Variants in MEGF6 observed in about 807,000 individuals in gnomAD.
The protein encoded by MEGF6 is multiple epidermal growth factor-like domains protein 6.
A neutral mutation model predicts 207.1 loss-of-function variants in MEGF6; 184 were observed. The observed-to-expected ratio is 0.89, with a 90% CI of 0.79 to 1.00. MEGF6 has a LOEUF of 1.00. MEGF6 is among the 50% of genes least tolerant of loss of function. MEGF6 has a pLI of 0.00. For missense variants in MEGF6, 2,282 were observed against 2,202.9 expected, an observed-to-expected ratio of 1.04 and a Z score of -0.72; for synonymous variants, 1,038 against 910.0, an observed-to-expected ratio of 1.14 and a Z score of -2.53.
chr1:3,530,641 C>T (rs552772755), intron 4 of MEGF6, among the ~76,000 whole-genome samples: 2 of 152,278 alleles, frequency 1.3e-5, no homozygotes, highest in South Asian at 2.1e-4. Context: ...CCAGGAAGAA[C>T]GGCACCTGCC....
Position 3,501,028 on chromosome 1 carries a change from C to T in MEGF6, c.2513G>A (p.Cys838Tyr), listed in dbSNP as rs1213122442. 6.2e-7 allele frequency: 1 copy of T among 1,612,698 alleles called. No homozygotes were observed. Among genetic ancestry groups the T allele is most frequent in the Non-Finnish European group, 8.5e-7 (1 of 1,179,968 alleles). ...GCTGCAGTGTCCGGTGGCTGGGTGG[C>T]AGTGCCCATCATTGGCACAAGAGCA... ...TRCSCANDGH[C>Y]HPATGHCSCA... The change falls in exon 20 of 37, where the codon TGC becomes TAC. Residue 838 changes from cysteine to tyrosine, a missense_variant. By Grantham distance (194) the Cys-to-Tyr change is radical. Coordinates refer to ENST00000356575, the MANE Select transcript of MEGF6 (RefSeq NM_001409.4).
At chr1:3,598,253 T>C (rs1243658851) in intron 2 of MEGF6, among the ~76,000 whole-genome samples, 1 of 152,148 alleles carries the variant, frequency 6.6e-6, no homozygotes, top group Non-Finnish European at 1.5e-5. Context: ...GGCTGCTGCA[T>C]GGGAAGCCGG....
chr1:3,587,171 A>C (rs146745386), intron 3 of MEGF6, among the ~76,000 whole-genome samples: 4 of 152,334 alleles, frequency 2.6e-5, no homozygotes, highest in African/African-American at 9.6e-5. Flanking sequence ...AAAAATAAAG[A>C]TTGCATGCAA....
At chr1:3,553,919 G>A (rs989920124) in intron 4 of MEGF6, among the ~76,000 whole-genome samples, 1 of 152,216 alleles carries the variant, frequency 6.6e-6, no homozygotes, top group African/African-American at 2.4e-5. Context: ...GCCGACGTGG[G>A]TGGGTGGCAC....
At position 3,509,099 on chromosome 1, in the gene MEGF6, C is replaced by G; in HGVS notation, c.1504G>C (p.Glu502Gln). The change falls in exon 12 of 37, where the codon GAA becomes CAA. Residue 502 changes from glutamate (E) to glutamine (Q), a missense_variant. Glu to Gln is a conservative substitution (Grantham distance 29). Transcript: ENST00000356575. ...ADEEEAELRG[E>Q]HTLTEKFVCL... ...CCAAACTTCTCTGTGAGCGTGTGTT[C>G]GCCCCGCAACTCTGCCTCTTCCTCA... is the stretch of plus-strand genomic sequence containing the variant. 1 of 1,597,982 alleles carries G rather than the reference C, an allele frequency of 6.3e-7. No individual in the cohort carries two copies. Among genetic ancestry groups the G allele is most frequent in the Non-Finnish European group, 8.5e-7 (1 of 1,173,474 alleles).
intron 3 of MEGF6, among the ~76,000 whole-genome samples, chr1:3,589,465 C>T (rs751458532): frequency 2.0e-5 from 3 of 152,104 alleles, no homozygotes; most frequent in Non-Finnish European, 4.4e-5. Flanking sequence ...TTCCCAGGGA[C>T]GTGCAAGGCC....
Position 3,494,668 on chromosome 1 carries a change from G to A in MEGF6, c.3945C>T (p.Ala1315=), listed in dbSNP as rs1488732732. The A allele has an allele frequency of 2.5e-6, 4 of 1,568,844 alleles. No homozygotes were observed. The highest frequency in any genetic ancestry group is 1.9e-5 in the Admixed American group (1 of 53,908). Residue 1315 remains alanine (A), a synonymous_variant, in exon 31 of 37, where the codon GCC becomes GCT. Coordinates refer to ENST00000356575, the MANE Select transcript of MEGF6 (RefSeq NM_001409.4). ...CSCRNGGLCH[A]SNGSCSCGLG... ...GGCCACAGGAGCAGCTGCCGTTGCT[G>A]GCGTGGCACAGGCCCCCATTTCTGC...
chr1:3,620,674 T>A, the MEGF6 span, among the ~76,000 whole-genome samples: 1 of 152,270 alleles, frequency 6.6e-6, no homozygotes, highest in Non-Finnish European at 1.5e-5. Context: ...ACAGGGTCAG[T>A]GGGTCTTTCT....
chr1:3,532,353 C>T (rs556708014), intron 4 of MEGF6, among the ~76,000 whole-genome samples: 2 of 152,340 alleles, frequency 1.3e-5, no homozygotes, highest in East Asian at 3.9e-4. Context: ...TATCCTTGGT[C>T]GGGGGTCACT....
chr1:3,494,654 C>T lies in MEGF6; in HGVS notation c.3959G>A (p.Cys1320Tyr). The change falls in exon 31 of 37, where the codon TGC becomes TAC. Residue 1320 changes from cysteine (C) to tyrosine (Y), a missense_variant. Coordinates refer to ENST00000356575, the MANE Select transcript of MEGF6 (RefSeq NM_001409.4). ...GGLCHASNGSCSCGLGWTGRH... is the reference protein window; with the variant it reads ...GGLCHASNGSYSCGLGWTGRH... ...CCCCGTCCAGCCCAGGCCACAGGAG[C>T]AGCTGCCGTTGCTGGCGTGGCACAG... 1.9e-6 allele frequency: 3 copies of T among 1,565,520 alleles called. No homozygotes were observed. The highest frequency in any genetic ancestry group is 2.6e-6 in the Non-Finnish European group (3 of 1,156,590).
At chr1:3,550,760 G>A (rs1642858686) in intron 4 of MEGF6, among the ~76,000 whole-genome samples, 1 of 152,254 alleles carries the variant, frequency 6.6e-6, no homozygotes, top group African/African-American at 2.4e-5. Flanking sequence ...CCCAGCCCTT[G>A]CAGCCGATCC....
intron 4 of MEGF6, chr1:3,531,318 G>A (rs891816235): frequency 8.1e-7 from 1 of 1,235,852 alleles, no homozygotes; most frequent in Non-Finnish European, 1.0e-6. Flanking sequence ...GCCGGGCGAC[G>A]GGGCAGGCGG....
chr1:3,615,271 C>A (rs975360267), upstream of MEGF6, among the ~76,000 whole-genome samples: 1 of 152,180 alleles, frequency 6.6e-6, no homozygotes, highest in Non-Finnish European at 1.5e-5. Context: ...TTTCTGACCC[C>A]CCAAGGAGGC....
chr1:3,534,290 GATC>G (rs1447613775), intron 4 of MEGF6, among the ~76,000 whole-genome samples: 2 of 152,214 alleles, frequency 1.3e-5, no homozygotes, highest in African/African-American at 4.8e-5. Context: ...TGCTGAAAAG[GATC>G]ATATTTGCAC....
chr1:3,591,409 C>T (rs1643975736), intron 3 of MEGF6, among the ~76,000 whole-genome samples: 1 of 152,322 alleles, frequency 6.6e-6, no homozygotes, highest in Non-Finnish European at 1.5e-5. Context: ...GTCACTGTCA[C>T]TGCTACTAAC....
intron 4 of MEGF6, among the ~76,000 whole-genome samples, chr1:3,576,151 C>T (rs997194600): frequency 1.3e-5 from 2 of 152,268 alleles, no homozygotes; most frequent in South Asian, 4.1e-4. Flanking sequence ...GCCGGGGAAG[C>T]CTTCACTGCA....
chr1:3,501,796 C>G lies in MEGF6; in HGVS notation c.2314G>C (p.Asp772His). 6.2e-7 allele frequency: 1 copy of G among 1,610,290 alleles called. No individual in the cohort carries two copies. Among genetic ancestry groups the G allele is most frequent in the African/African-American group, 1.3e-5 (1 of 74,912 alleles). Residue 772 changes from aspartate to histidine, a missense_variant and splice_region_variant, in exon 18 of 37, where the codon GAT (aspartate) becomes CAT (histidine). Physicochemically the swap from Asp to His is moderately conservative, Grantham distance 81 (BLOSUM62 -1). Coordinates refer to ENST00000356575, the MANE Select transcript of MEGF6 (RefSeq NM_001409.4). ...PGRTGEDCEA[D>H]CPEGRWGLGC... ...AACTGGGGCTGCGGCTGACACTCACCTGCCTCACAGTCTTCCCCAGTCCTC... is the reference window on the plus strand; with the variant it reads ...AACTGGGGCTGCGGCTGACACTCACGTGCCTCACAGTCTTCCCCAGTCCTC...
chr1:3,532,061 G>A (rs1642194585), intron 4 of MEGF6, among the ~76,000 whole-genome samples: 1 of 152,250 alleles, frequency 6.6e-6, no homozygotes. Flanking sequence ...AGCAGGTGGT[G>A]ACGGACAGAG....
In MEGF6 at chr1:3,501,791, C is replaced by T; in HGVS notation, c.2314+5G>A. 6.2e-7 allele frequency: 1 copy of T among 1,610,080 alleles called. No homozygotes were observed. Among genetic ancestry groups the T allele is most frequent in the Non-Finnish European group, 8.5e-7 (1 of 1,178,708 alleles). ...GGCGGAACTGGGGCTGCGGCTGACACTCACCTGCCTCACAGTCTTCCCCAG... is the reference window on the plus strand; with the variant it reads ...GGCGGAACTGGGGCTGCGGCTGACATTCACCTGCCTCACAGTCTTCCCCAG... On this transcript the variant is annotated splice_donor_5th_base_variant and intron_variant, in intron 18 of 36. Transcript: ENST00000356575.
Sources: allele counts gnomAD v4.1 joint callset (sites outside exome capture counted in the v4.1 genomes callset), GRCh38; gene constraint gnomAD v4.1.1; transcripts MANE v1.5; gene names NCBI Gene and HGNC (gene_info 2026-07-23, HGNC 2026-07-21).